ZMYM2: variants seen among roughly 807,000 people sequenced by gnomAD.
ZMYM2 encodes the protein zinc finger MYM-type containing 2.
A neutral mutation model predicts 162.8 loss-of-function variants in ZMYM2; 56 were observed. That is an observed-to-expected ratio of 0.34 (90% confidence interval 0.28 to 0.43). The LOEUF (loss-of-function observed/expected upper bound fraction) is 0.43. Ranked by LOEUF, ZMYM2 falls within the 20% of genes least tolerant of loss-of-function variation. ZMYM2 has a pLI of 1.00. For synonymous variants in ZMYM2, 510 were observed against 541.6 expected, an observed-to-expected ratio of 0.94 and a Z score of 0.81; for missense variants, 1,275 against 1,621.8, an observed-to-expected ratio of 0.79 and a Z score of 3.67.
the ZMYM2 span, among the ~76,000 whole-genome samples, chr13:19,935,707 G>C: frequency 2.0e-5 from 3 of 151,792 alleles, no homozygotes; most frequent in Non-Finnish European, 4.4e-5. Context: ...GTGCAGTGGC[G>C]AGATCTCAAC....
chr13:20,004,518 G>C (rs977406884), intron 4 of ZMYM2, among the ~76,000 whole-genome samples: 1 of 152,198 alleles, frequency 6.6e-6, no homozygotes, highest in African/African-American at 2.4e-5. Context: ...GCCTCCCAAA[G>C]TGCTGGGATT....
At chr13:19,895,384 A>G in the ZMYM2 span, among the ~76,000 whole-genome samples, 2 of 151,958 alleles carry the variant, frequency 1.3e-5, no homozygotes, top group Non-Finnish European at 2.9e-5. Context: ...TTATAAAGAA[A>G]AGGAATTTAC....
chr13:19,894,190 A>C, the ZMYM2 span, among the ~76,000 whole-genome samples: 2 of 152,032 alleles, frequency 1.3e-5, no homozygotes, highest in South Asian at 2.1e-4. Context: ...AAATATTGTA[A>C]GCTGAAAATG....
At position 20,027,336 on chromosome 13, in the gene ZMYM2, C is replaced by T; in HGVS notation, c.1851+18C>T. On this transcript the variant is annotated intron_variant, in intron 9 of 24. Coordinates refer to ENST00000610343, the MANE Select transcript of ZMYM2 (RefSeq NM_197968.4). ...AATTTCAGGTTTGTCGTTTATTTTG[C>T]ATAACCCATGCCCCCAATAAAATAC... 1 of 1,516,160 alleles carries T rather than the reference C, an allele frequency of 6.6e-7. No homozygotes were observed. The highest frequency in any genetic ancestry group is 9.0e-7 in the Non-Finnish European group (1 of 1,114,966). The allele number at this position is 1,516,160 out of a possible 1,614,324, so 93.9% of individuals were successfully genotyped here.
the ZMYM2 span, among the ~76,000 whole-genome samples, chr13:19,936,786 T>G: frequency 6.6e-6 from 1 of 152,096 alleles, no homozygotes; most frequent in Admixed American, 6.6e-5. Context: ...TAGTAGCCAA[T>G]TAGGAGAGGT....
chr13:20,068,876 T>G (rs1163187080), intron 21 of ZMYM2, among the ~76,000 whole-genome samples: 1 of 152,170 alleles, frequency 6.6e-6, no homozygotes, highest in African/African-American at 2.4e-5. Flanking sequence ...TTCCTACTTT[T>G]GGGGGCTGTG....
the ZMYM2 span, among the ~76,000 whole-genome samples, chr13:19,872,309 G>A: frequency 6.6e-6 from 1 of 152,126 alleles, no homozygotes; most frequent in Non-Finnish European, 1.5e-5. Context: ...CCAGCACTTG[G>A]GAAGCTGAGG....
At chr13:20,075,268 A>G (rs1037139995) in intron 21 of ZMYM2, among the ~76,000 whole-genome samples, 4 of 152,334 alleles carry the variant, frequency 2.6e-5, no homozygotes, top group East Asian at 1.9e-4. Flanking sequence ...CCGTATGTCT[A>G]TGGAAGAAAC....
At chr13:20,018,682 C>A (rs1951818473) in intron 6 of ZMYM2, among the ~76,000 whole-genome samples, 1 of 152,180 alleles carries the variant, frequency 6.6e-6, no homozygotes, top group Non-Finnish European at 1.5e-5. Flanking sequence ...AGTATTTTGA[C>A]TTTCATGGAA....
chr13:19,883,812 A>T, the ZMYM2 span, among the ~76,000 whole-genome samples: 5 of 152,124 alleles, frequency 3.3e-5, no homozygotes, highest in Non-Finnish European at 7.4e-5. Context: ...GCTGGAGCGC[A>T]CGGGCACGAT....
At chr13:20,019,262 C>T (rs187867796) in intron 6 of ZMYM2, among the ~76,000 whole-genome samples, 1 of 152,112 alleles carries the variant, frequency 6.6e-6, no homozygotes, top group Non-Finnish European at 1.5e-5. Flanking sequence ...TGATTTTACT[C>T]AGAAATTAGA....
intron 9 of ZMYM2, among the ~76,000 whole-genome samples, chr13:20,028,346 T>C (rs970747049): frequency 6.6e-6 from 1 of 152,158 alleles, no homozygotes; most frequent in Non-Finnish European, 1.5e-5. Flanking sequence ...AAGGAATAAT[T>C]ATTAATTAGA....
chr13:19,878,056 C>CTTT, the ZMYM2 span, among the ~76,000 whole-genome samples: 1 of 144,808 alleles, frequency 6.9e-6, no homozygotes, highest in African/African-American at 2.5e-5. Flanking sequence ...TTTTTGATTA[C>CTTT]TTTTTTTTTT....
chr13:19,914,370 A>G, the ZMYM2 span, among the ~76,000 whole-genome samples: 2 of 152,154 alleles, frequency 1.3e-5, no homozygotes, highest in African/African-American at 4.8e-5. Context: ...TCATGAACTT[A>G]GTGGTCATGG....
chr13:20,070,891 TAA>T (rs925764541), intron 21 of ZMYM2: 3 of 152,684 alleles, frequency 2.0e-5, no homozygotes, highest in Non-Finnish European at 4.4e-5. Context: ...GCAAGTACAT[TAA>T]GAGTTCTTCA....
chr13:19,877,211 CA>C, the ZMYM2 span, among the ~76,000 whole-genome samples: 21 of 126,506 alleles, frequency 1.7e-4, no homozygotes, highest in African/African-American at 5.2e-4. Context: ...GACTCCGTCT[CA>C]AAAAAAAAAA....
At chr13:20,048,297 A>T (rs868078730) in intron 12 of ZMYM2, among the ~76,000 whole-genome samples, 11 of 151,580 alleles carry the variant, frequency 7.3e-5, no homozygotes, top group African/African-American at 2.7e-4. Flanking sequence ...CATTTTTTTT[A>T]AAATTTTTTT....
intron 21 of ZMYM2, among the ~76,000 whole-genome samples, chr13:20,080,539 G>C (rs1437204078): frequency 6.6e-6 from 1 of 151,634 alleles, no homozygotes; most frequent in African/African-American, 2.4e-5. Flanking sequence ...CCAGGCTAGA[G>C]TGCAGTGGTG....
At chr13:19,992,163 A>G (rs1399305803) in intron 2 of ZMYM2, among the ~76,000 whole-genome samples, 2 of 147,188 alleles carry the variant, frequency 1.4e-5, no homozygotes, top group Non-Finnish European at 3.0e-5. Context: ...AAAACAATTT[A>G]TGCTTTCTGG....
Sources: gnomAD v4.1 joint callset for allele counts (sites outside exome capture counted in the v4.1 genomes callset) on GRCh38, gnomAD v4.1.1 for gene constraint, MANE v1.5 for transcripts, NCBI Gene and HGNC (gene_info 2026-07-23, HGNC 2026-07-21) for gene names.